The following TPRG1 variants were observed in gnomAD, a reference collection of about 807,000 sequenced individuals.
TPRG1 encodes tumor protein p63 regulated 1.
In TPRG1, 29 loss-of-function variants were observed where a neutral mutation model predicts 29.3. That is an observed-to-expected ratio of 0.99 (90% confidence interval 0.74 to 1.35). The LOEUF (loss-of-function observed/expected upper bound fraction) is 1.35, where lower values mean the gene tolerates loss of function less well. Ranked by LOEUF, TPRG1 falls within the 40% of genes most tolerant of loss-of-function variation. The probability of loss-of-function intolerance (pLI) is 0.00; values close to 1 mark genes in which losing one functional copy is unlikely to be tolerated. For missense variants in TPRG1, 327 were observed against 335.0 expected, an observed-to-expected ratio of 0.98 and a Z score of 0.19; for synonymous variants, 130 against 116.8, an observed-to-expected ratio of 1.11 and a Z score of -0.73.
chr3:189,185,557 A>AT lies in TPRG1; in HGVS notation c.-10+13435dup, dbSNP rs149163256. Among the ~76,000 whole-genome samples the AT allele has an allele frequency of 7.9e-3, 1,188 of 151,318 alleles. 33 individuals are homozygous for AT. The East Asian group carries it at 0.1, about 13-fold the overall frequency. ...AGTTATTTGAAACAATATTTACGAC[A>AT]TTTTTTTTTCCTGTCAGTCCTAAGG... On this transcript the variant is annotated intron_variant, in intron 1 of 5. Transcript: ENST00000345063.
At chr3:189,219,818 A>G (rs1053692188) in intron 3 of TPRG1, 95 of 942,378 alleles carry the variant, frequency 1.0e-4, no homozygotes, top group Non-Finnish European at 1.2e-4. Flanking sequence ...GTATTTAAAA[A>G]CCGGTAATTC....
At chr3:189,250,415 C>T (rs1334974847) in intron 4 of TPRG1, among the ~76,000 whole-genome samples, 1 of 148,258 alleles carries the variant, frequency 6.7e-6, no homozygotes, top group Non-Finnish European at 1.5e-5. Flanking sequence ...GCTTCATTAA[C>T]AGTCTTATTG....
intron 2 of TPRG1, among the ~76,000 whole-genome samples, chr3:189,210,020 T>C (rs1479796890): frequency 2.6e-5 from 4 of 152,116 alleles, no homozygotes; most frequent in African/African-American, 9.7e-5. Context: ...AACTAAAGTT[T>C]ATAATGATAA....
chr3:189,231,943 T>TTGTG (rs10576562), intron 3 of TPRG1, among the ~76,000 whole-genome samples: 1,771 of 147,694 alleles, frequency 0.012, 24 homozygotes, highest in African/African-American at 0.032. Flanking sequence ...CAAACCTGGT[T>TTGTG]TGTGTGTGTG....
At chr3:189,192,079 G>A (rs4686507) in intron 1 of TPRG1, among the ~76,000 whole-genome samples, 85,505 of 152,040 alleles carry the variant, frequency 0.56, 25,398 homozygotes, top group African/African-American at 0.76. Context: ...ATGGAGCCCA[G>A]TCATAGGCAA....
chr3:189,196,992 G>A (rs1479420005), intron 1 of TPRG1, among the ~76,000 whole-genome samples: 2 of 152,164 alleles, frequency 1.3e-5, no homozygotes, highest in Non-Finnish European at 2.9e-5. Flanking sequence ...TCCCAGGCAA[G>A]AACATGTGGT....
chr3:189,134,796 A>G (rs1418946828), intron 3 of TPRG1, among the ~76,000 whole-genome samples: 6 of 152,292 alleles, frequency 3.9e-5, no homozygotes, highest in Admixed American at 1.3e-4. Context: ...TAGGACTTAC[A>G]GTGATTTACT....
chr3:189,232,829 A>G (rs1253889121), intron 3 of TPRG1, among the ~76,000 whole-genome samples: 5 of 152,178 alleles, frequency 3.3e-5, no homozygotes, highest in African/African-American at 9.7e-5. Context: ...AAATATGTGA[A>G]TCTGTGGATT....
chr3:189,098,174 C>T (rs1055536689), upstream of TPRG1, among the ~76,000 whole-genome samples: 1 of 151,598 alleles, frequency 6.6e-6, no homozygotes, highest in Non-Finnish European at 1.5e-5. Flanking sequence ...AAAAGAGAGC[C>T]GGGTAGGGAA....
intron 1 of TPRG1, among the ~76,000 whole-genome samples, chr3:189,201,475 CTT>C (rs980743033): frequency 1.3e-5 from 2 of 152,074 alleles, no homozygotes; most frequent in African/African-American, 4.8e-5. Context: ...CCCAGAAGGA[CTT>C]TCTGAAAACT....
chr3:189,224,078 T>C (rs16864112), intron 3 of TPRG1, among the ~76,000 whole-genome samples: 2,595 of 152,266 alleles, frequency 0.017, 75 homozygotes, highest in African/African-American at 0.059. Flanking sequence ...TATATGGCCC[T>C]ACAAATGATT....
At chr3:189,271,024 A>AAC (rs1335595808) in intron 4 of TPRG1, among the ~76,000 whole-genome samples, 1 of 152,112 alleles carries the variant, frequency 6.6e-6, no homozygotes, top group Non-Finnish European at 1.5e-5. Context: ...TACACACACA[A>AAC]ACACACACAC....
intron 1 of TPRG1, among the ~76,000 whole-genome samples, chr3:189,183,755 A>C (rs1211229751): frequency 6.6e-6 from 1 of 152,062 alleles, no homozygotes; most frequent in Non-Finnish European, 1.5e-5. Flanking sequence ...CTTGTTTCCC[A>C]AACATTGTTG....
intron 5 of TPRG1, among the ~76,000 whole-genome samples, chr3:189,166,731 C>T (rs1728213282): frequency 6.6e-6 from 1 of 152,128 alleles, no homozygotes; most frequent in Non-Finnish European, 1.5e-5. Flanking sequence ...TCTTTAATTT[C>T]TTCCCTGATG....
intron 4 of TPRG1, among the ~76,000 whole-genome samples, chr3:189,045,988 T>C (rs1714950516): frequency 6.6e-6 from 1 of 152,136 alleles, no homozygotes; most frequent in East Asian, 1.9e-4. Flanking sequence ...AGCAGGAAGA[T>C]GTTACTCAAA....
At chr3:189,224,028 A>G (rs1737320732) in intron 3 of TPRG1, among the ~76,000 whole-genome samples, 1 of 152,218 alleles carries the variant, frequency 6.6e-6, no homozygotes, top group Non-Finnish European at 1.5e-5. Flanking sequence ...AGAAAGACAG[A>G]CATGTAAACA....
At chr3:189,192,689 G>A (rs901293918) in intron 1 of TPRG1, among the ~76,000 whole-genome samples, 2 of 152,026 alleles carry the variant, frequency 1.3e-5, no homozygotes. Flanking sequence ...TTCTTTTATT[G>A]TCTATCATTG....
At chr3:189,036,895 CAGA>C (rs1326486399) in intron 4 of TPRG1, among the ~76,000 whole-genome samples, 2 of 151,150 alleles carry the variant, frequency 1.3e-5, no homozygotes, top group East Asian at 1.9e-4. Context: ...CCAGAATCAG[CAGA>C]AGAAGAAATA....
chr3:189,019,087 C>T (rs1713131185), intron 3 of TPRG1, among the ~76,000 whole-genome samples: 1 of 151,546 alleles, frequency 6.6e-6, no homozygotes. Flanking sequence ...ATTTTGTATC[C>T]TGAGACTTTG....
Sources: allele counts gnomAD v4.1 joint callset (sites outside exome capture counted in the v4.1 genomes callset), GRCh38; gene constraint gnomAD v4.1.1; transcripts MANE v1.5; gene names NCBI Gene and HGNC (gene_info 2026-07-23, HGNC 2026-07-21).